DNAAF19: variants seen among roughly 807,000 people sequenced by gnomAD.
DNAAF19 encodes coiled-coil domain containing 103.
chr17:44,903,653 A>G, the DNAAF19 span: 1 of 1,433,082 alleles, frequency 7.0e-7, no homozygotes, highest in South Asian at 1.5e-5. Flanking sequence ...TTGTACATCC[A>G]CTGGGAATAA....
chr17:44,904,188 C>T, the DNAAF19 span: 10 of 1,550,520 alleles, frequency 6.4e-6, no homozygotes, highest in Non-Finnish European at 8.7e-6. Flanking sequence ...TCTGAGGACT[C>T]AGGCCTGTAC....
the DNAAF19 span, chr17:44,903,985 C>T: frequency 3.2e-6 from 5 of 1,550,668 alleles, no homozygotes; most frequent in African/African-American, 2.7e-5. Flanking sequence ...TTGAGCTTCC[C>T]TGTCACTGCA....
At chr17:44,903,435 CT>C in the DNAAF19 span, 1 of 1,251,572 alleles carries the variant, frequency 8.0e-7, no homozygotes, top group Non-Finnish European at 1.0e-6. Context: ...TGATGAAAGA[CT>C]TTTCCACCAG....
chr17:44,904,678 T>TG, the DNAAF19 span: 1 of 1,550,576 alleles, frequency 6.4e-7, no homozygotes. Flanking sequence ...GACTGGGCCA[T>TG]GGACTCATCA....
At chr17:44,904,474 C>T in the DNAAF19 span, 19 of 1,546,880 alleles carry the variant, frequency 1.2e-5, no homozygotes, top group East Asian at 2.4e-5. Flanking sequence ...TGTCTTGTGG[C>T]TCAAGGGCTG....
At chr17:44,905,231 G>A in the DNAAF19 span, 8 of 635,428 alleles carry the variant, frequency 1.3e-5, no homozygotes, top group Non-Finnish European at 1.9e-5. Context: ...TCTGGGACCT[G>A]ATCTGAGAAG....
At chr17:44,903,570 G>A in the DNAAF19 span, 2 of 1,386,188 alleles carry the variant, frequency 1.4e-6, no homozygotes, top group Non-Finnish European at 1.9e-6. Context: ...CTAGAAAGGG[G>A]AGTAAAGGCC....
chr17:44,904,241 G>T, the DNAAF19 span: 100 of 1,550,458 alleles, frequency 6.4e-5, no homozygotes, highest in Non-Finnish European at 8.3e-5. Context: ...CGCCTACGAT[G>T]TGGACATCCA....
At chr17:44,904,634 GTGCCCCAGGTGC>G in the DNAAF19 span, 1 of 1,550,576 alleles carries the variant, frequency 6.4e-7, no homozygotes, top group South Asian at 1.2e-5. Context: ...CCGGCCCTGG[GTGCCCCAGGTGC>G]CCATTCAGTT....
the DNAAF19 span, chr17:44,903,480 A>G: frequency 7.9e-7 from 1 of 1,271,358 alleles, no homozygotes; most frequent in Non-Finnish European, 9.9e-7. Context: ...ACTGAGGCAG[A>G]GATCTCCCTG....
At chr17:44,901,151 C>T in the DNAAF19 span, 5 of 1,600,154 alleles carry the variant, frequency 3.1e-6, no homozygotes, top group Middle Eastern at 3.3e-4. Flanking sequence ...GGTTGGCTCA[C>T]TGCCATTTTT....
chr17:44,901,202 T>C, the DNAAF19 span: 5 of 1,565,664 alleles, frequency 3.2e-6, no homozygotes, highest in Non-Finnish European at 4.3e-6. Context: ...TAGTTAACTC[T>C]GAAATCAAAC....
At chr17:44,901,140 A>C in the DNAAF19 span, 1 of 1,602,994 alleles carries the variant, frequency 6.2e-7, no homozygotes, top group Non-Finnish European at 8.5e-7. Context: ...TGAGGAGTTC[A>C]GGTTGGCTCA....
the DNAAF19 span, chr17:44,904,966 G>T: frequency 6.4e-7 from 1 of 1,550,732 alleles, no homozygotes; most frequent in African/African-American, 1.4e-5. Context: ...CGGCTGTGGA[G>T]CTCACCCTGA....
the DNAAF19 span, chr17:44,901,658 T>C: frequency 0.15 from 245,314 of 1,613,454 alleles, 19,755 homozygotes; most frequent in Middle Eastern, 0.2. Context: ...CCCCGGTAGG[T>C]GAGGCCCTGC....
chr17:44,904,991 A>G, the DNAAF19 span: 5 of 1,550,700 alleles, frequency 3.2e-6, no homozygotes, highest in Admixed American at 2.0e-5. Flanking sequence ...CTACCTGCTC[A>G]TCACAGCAGT....
the DNAAF19 span, chr17:44,901,273 C>T: frequency 8.9e-7 from 1 of 1,129,226 alleles, no homozygotes. Flanking sequence ...ATTTCCTTAA[C>T]TTCTCTGAGT....
chr17:44,904,302 T>C, the DNAAF19 span: 1 of 1,547,740 alleles, frequency 6.5e-7, no homozygotes, highest in Non-Finnish European at 8.7e-7. Flanking sequence ...CAGGAGCCCT[T>C]TGCAGATGAA....
At chr17:44,902,435 G>A in the DNAAF19 span, 2 of 1,614,226 alleles carry the variant, frequency 1.2e-6, no homozygotes, top group Non-Finnish European at 1.7e-6. Flanking sequence ...TTGCCAAGTG[G>A]GCCAGAGCGC....
Sources: allele counts gnomAD v4.1 joint callset, GRCh38; gene constraint gnomAD v4.1.1; transcripts MANE v1.5; gene names NCBI Gene and HGNC (gene_info 2026-07-23, HGNC 2026-07-21).